Variants in MDFIC2 observed in about 807,000 individuals in gnomAD.
The protein encoded by MDFIC2 is MyoD family inhibitor domain containing 2.
intron 2 of MDFIC2, among the ~76,000 whole-genome samples, chr3:70,274,301 A>G (rs1203990416): frequency 6.6e-6 from 1 of 152,086 alleles, no homozygotes; most frequent in Non-Finnish European, 1.5e-5. Flanking sequence ...TTGCAGATAA[A>G]TTATCACTTA....
At chr3:70,302,987 T>A (rs1429697098) in intron 2 of MDFIC2, among the ~76,000 whole-genome samples, 1 of 152,212 alleles carries the variant, frequency 6.6e-6, no homozygotes, top group Non-Finnish European at 1.5e-5. Context: ...ATCTCATCTT[T>A]TGCTGAACTT....
At chr3:70,304,689 G>C (rs1258722390) in intron 2 of MDFIC2, among the ~76,000 whole-genome samples, 2 of 151,954 alleles carry the variant, frequency 1.3e-5, no homozygotes, top group East Asian at 3.8e-4. Context: ...ACCATCTTTT[G>C]CATGGCCAAC....
At chr3:70,198,577 C>T (rs1701204346) in intron 3 of MDFIC2, among the ~76,000 whole-genome samples, 1 of 152,060 alleles carries the variant, frequency 6.6e-6, no homozygotes, top group East Asian at 1.9e-4. Flanking sequence ...AGAAATCTTT[C>T]TTCTTTCCTC....
At chr3:70,296,557 C>A (rs1702291022) in intron 2 of MDFIC2, among the ~76,000 whole-genome samples, 1 of 151,672 alleles carries the variant, frequency 6.6e-6, no homozygotes, top group South Asian at 2.1e-4. Context: ...GGAATCTACC[C>A]TACATTTCTC....
chr3:70,220,443 A>C (rs1701452372), intron 2 of MDFIC2, among the ~76,000 whole-genome samples: 1 of 152,114 alleles, frequency 6.6e-6, no homozygotes, highest in Admixed American at 6.5e-5. Context: ...ACCTCTTAAA[A>C]AAAAAAATTA....
intron 2 of MDFIC2, among the ~76,000 whole-genome samples, chr3:70,302,903 G>A (rs1367178477): frequency 1.3e-5 from 2 of 152,000 alleles, no homozygotes; most frequent in Non-Finnish European, 2.9e-5. Context: ...AGGCTTAGTT[G>A]GAAAGAAATT....
At chr3:70,265,691 A>C (rs986326966) in intron 2 of MDFIC2, among the ~76,000 whole-genome samples, 8 of 152,236 alleles carry the variant, frequency 5.3e-5, no homozygotes, top group Non-Finnish European at 4.4e-5. Flanking sequence ...CACTGCTGTA[A>C]AGAACTGCCT....
At chr3:70,268,002 TTCTCCTCCCCTCCTTC>T (rs986387572) in intron 2 of MDFIC2, among the ~76,000 whole-genome samples, 1 of 149,656 alleles carries the variant, frequency 6.7e-6, no homozygotes, top group African/African-American at 2.5e-5. Flanking sequence ...CACCTCCCCT[TTCTCCTCCCCTCCTTC>T]TCTTCCTCTT....
chr3:70,197,676 C>G (rs1701195657), intron 3 of MDFIC2, among the ~76,000 whole-genome samples: 1 of 152,184 alleles, frequency 6.6e-6, no homozygotes, highest in Non-Finnish European at 1.5e-5. Context: ...CACCCATATT[C>G]CAGTGCAAGC....
chr3:70,243,388 T>C (rs562191251), intron 2 of MDFIC2, among the ~76,000 whole-genome samples: 1 of 152,304 alleles, frequency 6.6e-6, no homozygotes, highest in East Asian at 1.9e-4. Context: ...TGAATTGTAT[T>C]ATTTAATAGG....
chr3:70,267,659 G>A (rs1225299567), intron 2 of MDFIC2, among the ~76,000 whole-genome samples: 3 of 146,502 alleles, frequency 2.0e-5, no homozygotes, highest in South Asian at 2.2e-4. Flanking sequence ...CTCGAGGTCC[G>A]CCTGCCTCGG....
intron 2 of MDFIC2, chr3:70,302,568 G>A (rs1318076592): frequency 6.6e-6 from 1 of 152,134 alleles, no homozygotes; most frequent in African/African-American, 2.4e-5. Flanking sequence ...ATTAAAAGGT[G>A]TAACTTTCTT....
At chr3:70,203,575 CA>C (rs1701261447) in intron 3 of MDFIC2, among the ~76,000 whole-genome samples, 1 of 151,896 alleles carries the variant, frequency 6.6e-6, no homozygotes, top group Non-Finnish European at 1.5e-5. Flanking sequence ...TTTTTCTGAG[CA>C]AATGAACTGA....
chr3:70,302,715 G>A lies in MDFIC2; in HGVS notation c.88+9171C>T, dbSNP rs182035185. 8 of 152,304 alleles carry A rather than the reference G, an allele frequency of 5.3e-5. No homozygotes were observed. The East Asian group carries it at 1.5e-3, about 29-fold the overall frequency. 9.4% of individuals were successfully genotyped at this position (152,304 alleles called of 1,614,324 possible). A position where few individuals can be genotyped will look rare whatever the true frequency, so the allele number is the denominator to read the frequency against. On this transcript the variant is annotated intron_variant, in intron 2 of 3. Coordinates refer to ENST00000567252, the MANE Select transcript of MDFIC2 (RefSeq NM_001364677.1). ...GAGCTAAGATCATTCTGGATTTGATGTACTGCCTTATCATCATTGAACGAG... is the reference window on the plus strand; with the variant it reads ...GAGCTAAGATCATTCTGGATTTGATATACTGCCTTATCATCATTGAACGAG...
chr3:70,217,358 T>C (rs1312026710), intron 2 of MDFIC2, among the ~76,000 whole-genome samples: 1 of 152,118 alleles, frequency 6.6e-6, no homozygotes, highest in Non-Finnish European at 1.5e-5. Context: ...TATTGATTTG[T>C]GTAGGTTGAA....
At chr3:70,308,734 G>A (rs964812903) in intron 2 of MDFIC2, among the ~76,000 whole-genome samples, 1 of 152,116 alleles carries the variant, frequency 6.6e-6, no homozygotes, top group Non-Finnish European at 1.5e-5. Context: ...TAATAACACT[G>A]AATTGAGTTG....
At chr3:70,293,484 G>A (rs193221664) in intron 2 of MDFIC2, among the ~76,000 whole-genome samples, 3 of 152,124 alleles carry the variant, frequency 2.0e-5, no homozygotes, top group Admixed American at 6.6e-5. Flanking sequence ...AATCACAGGC[G>A]ATGCTGATCC....
At chr3:70,302,033 A>G (rs1223861363) in intron 2 of MDFIC2, among the ~76,000 whole-genome samples, 1 of 152,082 alleles carries the variant, frequency 6.6e-6, no homozygotes, top group Admixed American at 6.6e-5. Context: ...TTAGCTCAAG[A>G]AGAAGAATTG....
In MDFIC2 at chr3:70,196,146, A is replaced by AT. The variant is rs901533330; in HGVS notation, c.*779dup. ...AAAATGAAGAAAGTGAAGAATTGAGATTTTTTTGAAACTTGCACATAATTC... is the reference window on the plus strand; with the variant it reads ...AAAATGAAGAAAGTGAAGAATTGAGATTTTTTTTGAAACTTGCACATAATTC... On this transcript the variant is annotated 3_prime_UTR_variant, in exon 4 of 4. Coordinates refer to ENST00000567252, the MANE Select transcript of MDFIC2 (RefSeq NM_001364677.1). Among the ~76,000 whole-genome samples the AT allele has an allele frequency of 3.9e-5, 6 of 152,160 alleles. No homozygotes were observed. The East Asian group carries it at 5.8e-4, about 15-fold the overall frequency.
Sources: allele counts gnomAD v4.1 joint callset (sites outside exome capture counted in the v4.1 genomes callset), GRCh38; gene constraint gnomAD v4.1.1; transcripts MANE v1.5; gene names NCBI Gene and HGNC (gene_info 2026-07-23, HGNC 2026-07-21).